PXDNL: variants seen among roughly 807,000 people sequenced by gnomAD.
PXDNL encodes probable oxidoreductase PXDNL.
A neutral mutation model predicts 150.8 loss-of-function variants in PXDNL; 145 were observed. The observed-to-expected ratio is 0.96, with a 90% CI of 0.84 to 1.10. The LOEUF (loss-of-function observed/expected upper bound fraction) is 1.10. Ranked by LOEUF, PXDNL falls within the 50% of genes least tolerant of loss-of-function variation. The probability of loss-of-function intolerance (pLI) is 0.00; values close to 1 mark genes in which losing one functional copy is unlikely to be tolerated. For missense variants in PXDNL, 2,087 were observed against 1,873.9 expected, an observed-to-expected ratio of 1.11 and a Z score of -2.10; for synonymous variants, 757 against 725.7, an observed-to-expected ratio of 1.04 and a Z score of -0.69.
At chr8:51,689,081 G>A (rs1585675581) in intron 1 of PXDNL, among the ~76,000 whole-genome samples, 1 of 152,188 alleles carries the variant, frequency 6.6e-6, no homozygotes, top group Non-Finnish European at 1.5e-5. Context: ...CGCACTCCTG[G>A]GGCTGCCTGT....
intron 2 of PXDNL, among the ~76,000 whole-genome samples, chr8:51,644,752 G>A (rs541679708): frequency 4.9e-4 from 74 of 151,846 alleles, no homozygotes; most frequent in African/African-American, 1.6e-3. Flanking sequence ...TCACCGCGCC[G>A]GGATGATATT....
chr8:51,726,388 A>G (rs78685492), intron 1 of PXDNL, among the ~76,000 whole-genome samples: 9,617 of 152,264 alleles, frequency 0.063, 390 homozygotes, highest in African/African-American at 0.12. Context: ...TTGGCTTGGT[A>G]AACCCAAGAG....
intron 5 of PXDNL, 71 bp downstream of exon 5, chr8:51,499,628 G>A: frequency 8.6e-7 from 1 of 1,160,246 alleles, no homozygotes; most frequent in South Asian, 1.2e-5. Context: ...GATCTCCACG[G>A]CAGTCAGATG....
At chr8:51,808,711 T>A (rs1441562383) in intron 1 of PXDNL, among the ~76,000 whole-genome samples, 1 of 152,156 alleles carries the variant, frequency 6.6e-6, no homozygotes, top group Non-Finnish European at 1.5e-5. Context: ...GGCTCAGGAC[T>A]TCACCCTCCC....
At chr8:51,718,079 C>G (rs1816653694) in intron 1 of PXDNL, among the ~76,000 whole-genome samples, 1 of 152,072 alleles carries the variant, frequency 6.6e-6, no homozygotes, top group Non-Finnish European at 1.5e-5. Flanking sequence ...CACCACTTGT[C>G]TTAAATGTCT....
chr8:51,443,086 G>A (rs367592145), intron 12 of PXDNL, among the ~76,000 whole-genome samples: 33 of 152,144 alleles, frequency 2.2e-4, no homozygotes, highest in Admixed American at 1.2e-3. Flanking sequence ...GTTCTGTTCT[G>A]ATCTCTGGCA....
At chr8:51,481,556 G>C (rs999582953) in intron 6 of PXDNL, among the ~76,000 whole-genome samples, 1 of 152,178 alleles carries the variant, frequency 6.6e-6, no homozygotes, top group African/African-American at 2.4e-5. Flanking sequence ...ATGTCTCCAG[G>C]GTATGTCAGA....
rs574715748 is a variant in PXDNL, at chr8:51,577,856, T to A, written c.308+14771A>T. The stretch of plus-strand genomic sequence containing the variant: ...CTGCTCTTACCACTCCATTGGAAGA[T>A]CTAGGCAATGAAAACAGATTGGGAA... On this transcript the variant is annotated intron_variant, in intron 3 of 22. Coordinates refer to ENST00000356297, the MANE Select transcript of PXDNL (RefSeq NM_144651.5). Among the ~76,000 whole-genome samples the A allele has an allele frequency of 2.7e-5, 4 of 146,400 alleles. No homozygotes were observed. The South Asian group carries it at 6.4e-4, about 23-fold the overall frequency.
chr8:51,407,360 A>G (rs1011817111), intron 17 of PXDNL, among the ~76,000 whole-genome samples: 1 of 152,224 alleles, frequency 6.6e-6, no homozygotes, highest in Non-Finnish European at 1.5e-5. Context: ...AATATTTCAC[A>G]GAAATATACC....
chr8:51,633,941 C>T (rs1814546737), intron 2 of PXDNL, among the ~76,000 whole-genome samples: 1 of 151,986 alleles, frequency 6.6e-6, no homozygotes. Flanking sequence ...CCTATTTATT[C>T]TGTTGATAGT....
intron 1 of PXDNL, among the ~76,000 whole-genome samples, chr8:51,791,397 A>C (rs1008629123): frequency 1.3e-5 from 2 of 152,238 alleles, no homozygotes; most frequent in Non-Finnish European, 2.9e-5. Flanking sequence ...CAAACTACAC[A>C]GAGGTGACCT....
intron 21 of PXDNL, among the ~76,000 whole-genome samples, chr8:51,324,937 C>T (rs775888832): frequency 1.2e-4 from 18 of 152,148 alleles, no homozygotes; most frequent in Non-Finnish European, 1.6e-4. Flanking sequence ...GTTGCCCAGG[C>T]TGGAGTGCAG....
chr8:51,808,185 T>C (rs1585766560), intron 1 of PXDNL, among the ~76,000 whole-genome samples: 2 of 152,290 alleles, frequency 1.3e-5, no homozygotes, highest in Middle Eastern at 3.4e-3. Flanking sequence ...TATCTCAAAA[T>C]TCCAGGAATT....
chr8:51,731,931 G>T (rs1816942053), intron 1 of PXDNL, among the ~76,000 whole-genome samples: 1 of 152,314 alleles, frequency 6.6e-6, no homozygotes, highest in Non-Finnish European at 1.5e-5. Context: ...TGTGATGGGA[G>T]GGGCTGCTGT....
intron 1 of PXDNL, among the ~76,000 whole-genome samples, chr8:51,717,389 G>C (rs1318700150): frequency 6.6e-6 from 1 of 152,218 alleles, no homozygotes; most frequent in Non-Finnish European, 1.5e-5. Context: ...CAGTTGGCCA[G>C]CACCATAGAT....
At chr8:51,594,208 A>G (rs1053735851) in intron 2 of PXDNL, among the ~76,000 whole-genome samples, 10 of 152,224 alleles carry the variant, frequency 6.6e-5, no homozygotes, top group African/African-American at 2.2e-4. Context: ...GCATGTGTGT[A>G]TGTAATTTGC....
At chr8:51,468,762 T>G (rs1049002700) in intron 8 of PXDNL, among the ~76,000 whole-genome samples, 1 of 151,958 alleles carries the variant, frequency 6.6e-6, no homozygotes, top group Admixed American at 6.6e-5. Flanking sequence ...ATTGTTAATA[T>G]GCACTCTTGA....
chr8:51,401,282 C>A (rs1011721170), intron 17 of PXDNL, among the ~76,000 whole-genome samples: 7 of 152,128 alleles, frequency 4.6e-5, no homozygotes, highest in Admixed American at 4.6e-4. Flanking sequence ...TACTCAAAAC[C>A]CTTGTGCTAG....
intron 21 of PXDNL, among the ~76,000 whole-genome samples, chr8:51,332,335 C>T (rs1350413547): frequency 6.6e-6 from 1 of 152,170 alleles, no homozygotes; most frequent in South Asian, 2.1e-4. Flanking sequence ...CAACAGCCTT[C>T]AGCCCTAGAC....
Sources: gnomAD v4.1 joint callset for allele counts (sites outside exome capture counted in the v4.1 genomes callset) on GRCh38, gnomAD v4.1.1 for gene constraint, MANE v1.5 for transcripts, NCBI Gene and HGNC (gene_info 2026-07-23, HGNC 2026-07-21) for gene names.